The following ZNF664 variants were observed in gnomAD, a reference collection of about 807,000 sequenced individuals.
ZNF664 encodes zinc finger protein 664, also known as zinc finger Organ of Corti 1.
A neutral mutation model predicts 18.2 loss-of-function variants in ZNF664; 10 were observed. The ratio of observed to expected loss-of-function variants is 0.55; its 90% CI spans 0.34 to 0.93. The LOEUF is 0.93. Among genes scored for constraint, ZNF664 ranks in the 40% least tolerant of loss-of-function variants. The pLI is 0.02. For missense variants in ZNF664, 193 were observed against 319.0 expected (o/e 0.61, Z 3.01); for synonymous variants, 119 against 104.2 (o/e 1.14, Z -0.86).
chr12:123,993,160 A>G (rs1479738830), intron 3 of ZNF664, among the ~76,000 whole-genome samples: 1 of 152,142 alleles, frequency 6.6e-6, no homozygotes, highest in East Asian at 1.9e-4. Context: ...CTGAAAGTCC[A>G]TTGTCAAGGA....
intron 3 of ZNF664, among the ~76,000 whole-genome samples, chr12:124,007,538 TC>T: frequency 6.6e-6 from 1 of 152,224 alleles, no homozygotes; most frequent in East Asian, 1.9e-4. Flanking sequence ...AGAGGCCTCT[TC>T]CTGTGTTCAT....
intron 3 of ZNF664, among the ~76,000 whole-genome samples, chr12:123,999,535 A>C (rs1015123541): frequency 2.0e-5 from 3 of 152,228 alleles, no homozygotes; most frequent in Middle Eastern, 3.2e-3. Flanking sequence ...GGTAATTTTC[A>C]CTTGACTTTT....
chr12:124,009,744 A>G lies in ZNF664; in HGVS notation c.-660-1637A>G, dbSNP rs187922686. Among the ~76,000 whole-genome samples, 279 of 152,204 alleles carry G rather than the reference A, an allele frequency of 1.8e-3. 3 individuals are homozygous for G. Among genetic ancestry groups the G allele is most frequent in the African/African-American group, 6.3e-3 (260 of 41,548 alleles). On this transcript the variant is annotated intron_variant, in intron 3 of 4. Transcript: ENST00000337815. ...TTGCCCAGGCTGGTCTCAGACTCCT[A>G]GCCTCAAGTGATCCTCCCACCTCGG...
chr12:124,007,325 G>A lies in ZNF664; in HGVS notation c.-660-4056G>A, dbSNP rs184713631. 3.3e-5 allele frequency among the ~76,000 whole-genome samples: 5 copies of A among 152,336 alleles called. No homozygotes were observed. In the East Asian group the frequency reaches 7.7e-4, roughly 24 times the overall value. On this transcript the variant is annotated intron_variant, in intron 3 of 4. Transcript: ENST00000337815. ...TATTGAACTGTTGCCCTTCTGAGCA[G>A]AGTTGGACTCTCCTGAGGCTAGGCT...
At position 124,012,885 on chromosome 12, in the gene ZNF664, A is replaced by C. The variant is rs764342272; in HGVS notation, c.741A>C (p.Arg247Ser). 6.2e-7 allele frequency: 1 copy of C among 1,614,188 alleles called. No individual in the cohort carries two copies. The highest frequency in any genetic ancestry group is 8.5e-7 in the Non-Finnish European group (1 of 1,180,034). ...SQSTSLCIHQ[R>S]VHTKERNHLK... ...GTACGAGCCTCTGCATCCACCAGAG[A>C]GTCCACACAAAGGAGAGAAACCATC... Residue 247 changes from arginine to serine, a missense_variant, in exon 5 of 5, where the codon AGA becomes AGC. Physicochemically the swap from Arg to Ser is moderately radical, Grantham distance 110. Around this residue, in one of 3 missense-constraint regions of ZNF664, gnomAD observed 42 missense variants for 46.4 expected, o/e 0.91. Transcript: ENST00000337815.
chr12:124,012,612 C>T lies in ZNF664; in HGVS notation c.468C>T (p.Ser156=), dbSNP rs186329168. The T allele has an allele frequency of 3.5e-4, 561 of 1,613,904 alleles. 6 individuals are homozygous for T. In the East Asian group the frequency reaches 9.6e-3, roughly 28 times the overall value. ...EECGKAFRHT[S]SLCMHQRVHT... is the part of the protein sequence containing the mutation. ...GTGGGAAGGCCTTCAGGCACACCTC[C>T]AGCCTCTGCATGCATCAAAGAGTCC... is the stretch of plus-strand genomic sequence containing the variant. The change falls in exon 5 of 5, where the codon TCC becomes TCT. Residue 156 remains serine, a synonymous_variant. Coordinates refer to ENST00000337815, the MANE Select transcript of ZNF664 (RefSeq NM_152437.3).
chr12:123,995,868 C>A (rs1956942493), intron 3 of ZNF664, among the ~76,000 whole-genome samples: 2 of 152,142 alleles, frequency 1.3e-5, no homozygotes, highest in Non-Finnish European at 2.9e-5. Flanking sequence ...CTGTTTTGTA[C>A]CCCCTGACTG....
At chr12:124,008,574 G>A (rs1957099579) in intron 3 of ZNF664, among the ~76,000 whole-genome samples, 1 of 152,146 alleles carries the variant, frequency 6.6e-6, no homozygotes, top group African/African-American at 2.4e-5. Flanking sequence ...AGAGGAAATA[G>A]GATAGATGCT....
chr12:123,983,958 G>T (rs567901276), intron 2 of ZNF664, among the ~76,000 whole-genome samples: 1 of 152,298 alleles, frequency 6.6e-6, no homozygotes, highest in East Asian at 1.9e-4. Flanking sequence ...GGCAACTAGA[G>T]GTAGTAACCC....
chr12:123,982,476 A>C (rs1169569644), intron 2 of ZNF664, among the ~76,000 whole-genome samples: 1 of 152,098 alleles, frequency 6.6e-6, no homozygotes, highest in Non-Finnish European at 1.5e-5. Flanking sequence ...GCTTGGCAGT[A>C]AATAACACGT....
intron 2 of ZNF664, among the ~76,000 whole-genome samples, chr12:123,981,526 C>A (rs1408504843): frequency 2.0e-5 from 3 of 152,164 alleles, no homozygotes; most frequent in Non-Finnish European, 4.4e-5. Context: ...TTTGGAGAGT[C>A]CCCACCAGCA....
At chr12:123,979,446 T>C (rs1407210847) in intron 2 of ZNF664, among the ~76,000 whole-genome samples, 1 of 152,172 alleles carries the variant, frequency 6.6e-6, no homozygotes, top group East Asian at 1.9e-4. Flanking sequence ...GGACATAAAA[T>C]TTTTCCAAGT....
chr12:124,001,604 GTC>G (rs1226443247), intron 3 of ZNF664, among the ~76,000 whole-genome samples: 2 of 152,282 alleles, frequency 1.3e-5, no homozygotes, highest in Non-Finnish European at 1.5e-5. Context: ...GTTCAAAGTG[GTC>G]TCCCCTGACC....
Position 123,973,291 on chromosome 12 carries a change from T to C in ZNF664, c.-953T>C, listed in dbSNP as rs1382429233. On this transcript the variant is annotated 5_prime_UTR_variant, in exon 1 of 5. Coordinates refer to ENST00000337815, the MANE Select transcript of ZNF664 (RefSeq NM_152437.3). ...CGGAGGCGCACCTGTGAGGTGTCCC[T>C]GAGGAGAGGGAGGTGGGTGCGCGGC... The C allele has an allele frequency of 7.1e-6, 7 of 982,778 alleles. No homozygotes were observed. The highest frequency in any genetic ancestry group is 8.4e-6 in the Non-Finnish European group (7 of 829,628). 60.9% of individuals were successfully genotyped at this position (982,778 alleles called of 1,614,324 possible).
chr12:124,010,774 G>A (rs1018818907), intron 3 of ZNF664, among the ~76,000 whole-genome samples: 3 of 152,184 alleles, frequency 2.0e-5, no homozygotes, highest in African/African-American at 7.2e-5. Context: ...GGGCTTTAAA[G>A]GAATCAAAGG....
intron 2 of ZNF664, among the ~76,000 whole-genome samples, chr12:123,985,119 G>C (rs889895851): frequency 6.6e-6 from 1 of 152,156 alleles, no homozygotes; most frequent in Non-Finnish European, 1.5e-5. Context: ...AGATGCTGTG[G>C]AGGAGCTCAG....
At chr12:123,991,141 A>C (rs760028190) in intron 3 of ZNF664, among the ~76,000 whole-genome samples, 3 of 152,194 alleles carry the variant, frequency 2.0e-5, no homozygotes, top group Non-Finnish European at 4.4e-5. Flanking sequence ...TGTATGTTAC[A>C]CATTTACTAG....
At position 123,985,021 on chromosome 12, in the gene ZNF664, C is replaced by G. The variant is rs560727969; in HGVS notation, c.-756-3022C>G. Among the ~76,000 whole-genome samples, 12 of 151,976 alleles carry G rather than the reference C, an allele frequency of 7.9e-5. No individual in the cohort carries two copies. The East Asian group carries it at 1.6e-3, about 20-fold the overall frequency. On this transcript the variant is annotated intron_variant, in intron 2 of 4. Coordinates refer to ENST00000337815, the MANE Select transcript of ZNF664 (RefSeq NM_152437.3). ...AGGATTCAGGGTGAGGCAGGAGGAA[C>G]GGCCCCAAGATTTGACTCTGAGAGC...
At chr12:123,984,905 G>T (rs1384829516) in intron 2 of ZNF664, among the ~76,000 whole-genome samples, 1 of 152,076 alleles carries the variant, frequency 6.6e-6, no homozygotes, top group Non-Finnish European at 1.5e-5. Context: ...CTATATTTAG[G>T]CATAGGCATG....
Sources: allele counts gnomAD v4.1 joint callset (sites outside exome capture counted in the v4.1 genomes callset), GRCh38; gene constraint gnomAD v4.1.1; regional missense constraint gnomAD v4.1.1; transcripts MANE v1.5; gene names NCBI Gene and HGNC (gene_info 2026-07-23, HGNC 2026-07-21).